The following MACROD1 variants were observed in gnomAD, a reference collection of about 807,000 sequenced individuals.
The protein encoded by MACROD1 is ADP-ribose glycohydrolase MACROD1.
In MACROD1, 31 loss-of-function variants were observed where a neutral mutation model predicts 41.4. The ratio of observed to expected loss-of-function variants is 0.75; its 90% CI spans 0.56 to 1.01. MACROD1 has a LOEUF of 1.01. MACROD1 is among the 50% of genes least tolerant of loss of function. The probability of loss-of-function intolerance (pLI) is 0.00; values close to 1 mark genes in which losing one functional copy is unlikely to be tolerated. For missense variants in MACROD1, 473 were observed against 460.0 expected (o/e 1.03, Z -0.26); for synonymous variants, 252 against 203.4 (o/e 1.24, Z -2.03).
chr11:64,028,467 T>C (rs1943250322), intron 3 of MACROD1, among the ~76,000 whole-genome samples: 1 of 151,820 alleles, frequency 6.6e-6, no homozygotes, highest in Non-Finnish European at 1.5e-5. Context: ...TGGAGGGAGG[T>C]GGGAGGCAGG....
At chr11:64,130,635 CA>C (rs1335365682) in intron 3 of MACROD1, among the ~76,000 whole-genome samples, 2 of 152,200 alleles carry the variant, frequency 1.3e-5, no homozygotes, top group Non-Finnish European at 2.9e-5. Flanking sequence ...GTGGGTCTGA[CA>C]TTGGCTCATC....
Position 64,166,061 on chromosome 11 carries a change from C to T in MACROD1, c.-67G>A. The T allele has an allele frequency of 1.6e-6, 2 of 1,233,912 alleles. No homozygotes were observed. The highest frequency in any genetic ancestry group is 2.0e-6 in the Non-Finnish European group (2 of 989,476). The allele number at this position is 1,233,912 out of a possible 1,614,324, so 76.4% of individuals were successfully genotyped here. The stretch of plus-strand genomic sequence containing the variant: ...ATTTACGGCGCTCGGGAGTGTCTCT[C>T]CCTTATTTACTCTGGGACCGGGTGG... On this transcript the variant is annotated 5_prime_UTR_variant, in exon 1 of 11. Coordinates refer to ENST00000255681, the MANE Select transcript of MACROD1 (RefSeq NM_014067.4).
intron 3 of MACROD1, among the ~76,000 whole-genome samples, chr11:64,024,931 G>A (rs1241229892): frequency 6.6e-6 from 1 of 152,210 alleles, no homozygotes; most frequent in Non-Finnish European, 1.5e-5. Flanking sequence ...CTGTGATTCA[G>A]CTTTCTTCTA....
rs574102810 is a variant in MACROD1, at chr11:64,083,828, G to A, written c.517+67411C>T. Among the ~76,000 whole-genome samples the A allele has an allele frequency of 2.0e-5, 3 of 152,320 alleles. No homozygotes were observed. In the East Asian group the frequency reaches 5.8e-4, roughly 29 times the overall value. ...CAGCAGGGGTTGGCATCAACAGACC[G>A]ACGGATCTGCCAGGGCCGGTGAGGG... On this transcript the variant is annotated intron_variant, in intron 3 of 10. Transcript: ENST00000255681.
chr11:64,101,939 A>C (rs1170135201), intron 3 of MACROD1, among the ~76,000 whole-genome samples: 1 of 151,824 alleles, frequency 6.6e-6, no homozygotes, highest in Non-Finnish European at 1.5e-5. Context: ...GCTGGCACAC[A>C]CCCTTCCCAA....
intron 3 of MACROD1, among the ~76,000 whole-genome samples, chr11:64,017,191 G>A (rs74908863): frequency 5.6e-4 from 85 of 152,246 alleles, no homozygotes; most frequent in Non-Finnish European, 1.0e-3. Context: ...AGCTGGTATC[G>A]TACTCCTGAC....
At chr11:64,037,081 G>A (rs1943396254) in intron 3 of MACROD1, among the ~76,000 whole-genome samples, 1 of 151,912 alleles carries the variant, frequency 6.6e-6, no homozygotes, top group African/African-American at 2.4e-5. Flanking sequence ...GCTGGGGTGT[G>A]CCAGGCCCCC....
At chr11:64,074,268 G>A (rs1484873828) in intron 3 of MACROD1, among the ~76,000 whole-genome samples, 1 of 152,208 alleles carries the variant, frequency 6.6e-6, no homozygotes, top group Non-Finnish European at 1.5e-5. Flanking sequence ...TCTCAGGTGT[G>A]AGGCTCATGA....
intron 3 of MACROD1, among the ~76,000 whole-genome samples, chr11:64,138,852 C>T (rs1346613844): frequency 2.0e-5 from 3 of 152,064 alleles, no homozygotes; most frequent in African/African-American, 4.8e-5. Flanking sequence ...ACTGCAACTT[C>T]TGCCTCCCAG....
intron 3 of MACROD1, among the ~76,000 whole-genome samples, chr11:64,024,555 C>T (rs987668808): frequency 1.3e-5 from 2 of 152,232 alleles, no homozygotes; most frequent in South Asian, 2.1e-4. Flanking sequence ...CTCTCCTGGG[C>T]GCCATGGGGC....
chr11:63,999,867 C>G, intron 5 of MACROD1, 104 bp from the exon 6 acceptor site: 2 of 1,318,244 alleles, frequency 1.5e-6, no homozygotes, highest in Non-Finnish European at 2.0e-6. Context: ...ACACCTTTCC[C>G]CCCAAGCGCT....
intron 3 of MACROD1, among the ~76,000 whole-genome samples, chr11:64,144,782 CGTG>C (rs1192292672): frequency 6.6e-6 from 1 of 152,256 alleles, no homozygotes; most frequent in East Asian, 1.9e-4. Context: ...TTTCTGCTGT[CGTG>C]GTGGCCGGCA....
chr11:64,047,622 C>T (rs1306490789), intron 3 of MACROD1, among the ~76,000 whole-genome samples: 2 of 152,116 alleles, frequency 1.3e-5, no homozygotes, highest in Admixed American at 1.3e-4. Context: ...GAAGGCCGGG[C>T]GCGGTGGCTT....
intron 3 of MACROD1, among the ~76,000 whole-genome samples, chr11:64,102,700 T>C (rs1020597210): frequency 6.6e-6 from 1 of 152,130 alleles, no homozygotes; most frequent in Non-Finnish European, 1.5e-5. Context: ...ATTGTCAGGA[T>C]TTGGAAAGAG....
intron 3 of MACROD1, 104 bp downstream of exon 3, chr11:64,151,135 G>A (rs939820443): frequency 9.4e-5 from 90 of 953,432 alleles, no homozygotes; most frequent in African/African-American, 6.1e-4. Context: ...CCAGCAACCC[G>A]AGCCTCACTG....
Position 64,041,199 on chromosome 11 carries a change from T to TAAAAAAAAAAAAAAAA in MACROD1, c.518-25934_518-25919dup, listed in dbSNP as rs71045724. On this transcript the variant is annotated intron_variant, in intron 3 of 10. Transcript: ENST00000255681. ...AGATTACAACAGATTTAGCAAACTG[T>TAAAAAAAAAAAAAAAA]AAAAAAAAAAAAAAAAAAAAAAAAA... is the stretch of plus-strand genomic sequence containing the variant. Among the ~76,000 whole-genome samples the TAAAAAAAAAAAAAAAA allele has an allele frequency of 7.9e-4, 17 of 21,606 alleles. 4 individuals are homozygous for TAAAAAAAAAAAAAAAA. The highest frequency in any genetic ancestry group is 2.4e-3 in the African/African-American group (15 of 6,210). 14.2% of individuals were successfully genotyped at this position (21,606 alleles called of 152,430 possible). A position where few individuals can be genotyped will look rare whatever the true frequency, so the allele number is the denominator to read the frequency against.
At chr11:64,117,718 T>G in intron 3 of MACROD1, 1 of 1,613,726 alleles carries the variant, frequency 6.2e-7, no homozygotes, top group Non-Finnish European at 8.5e-7. Context: ...ACGGAGACCT[T>G]GGTGCAGGGG....
chr11:64,005,039 T>C (rs1010832462), intron 4 of MACROD1, among the ~76,000 whole-genome samples: 2 of 151,926 alleles, frequency 1.3e-5, no homozygotes, highest in African/African-American at 4.8e-5. Context: ...TATTTATTTA[T>C]TTATTTATTG....
Position 64,028,027 on chromosome 11 carries a change from C to T in MACROD1, c.518-12746G>A, listed in dbSNP as rs116119827. Among the ~76,000 whole-genome samples, 640 of 152,350 alleles carry T rather than the reference C, an allele frequency of 4.2e-3. 3 individuals are homozygous for T. The highest frequency in any genetic ancestry group is 0.015 in the African/African-American group (618 of 41,586). Reference sequence around the variant, plus strand: ...CCAGGAAGCACCGTCCTCTGCCTGCCGGGCACCCGCCACCTCTCTGCAGCC... The same window carrying T: ...CCAGGAAGCACCGTCCTCTGCCTGCTGGGCACCCGCCACCTCTCTGCAGCC... On this transcript the variant is annotated intron_variant, in intron 3 of 10. Coordinates refer to ENST00000255681, the MANE Select transcript of MACROD1 (RefSeq NM_014067.4).
Sources: allele counts gnomAD v4.1 joint callset (sites outside exome capture counted in the v4.1 genomes callset), GRCh38; gene constraint gnomAD v4.1.1; transcripts MANE v1.5; gene names NCBI Gene and HGNC (gene_info 2026-07-23, HGNC 2026-07-21).